EYA2: variants seen among roughly 807,000 people sequenced by gnomAD.
EYA2 encodes protein phosphatase EYA2.
In EYA2, 31 loss-of-function variants were observed where a neutral mutation model predicts 69.2. The ratio of observed to expected loss-of-function variants is 0.45; its 90% confidence interval spans 0.34 to 0.60. The LOEUF is 0.60. Ranked by LOEUF, EYA2 falls within the 20% of genes least tolerant of loss-of-function variation. The pLI is 0.02. For synonymous variants in EYA2, 257 were observed against 279.4 expected (o/e 0.92, Z 0.80); for missense variants, 622 against 701.2 (o/e 0.89, Z 1.28).
At chr20:47,086,609 G>A (rs2031901782) in intron 7 of EYA2, among the ~76,000 whole-genome samples, 1 of 152,112 alleles carries the variant, frequency 6.6e-6, no homozygotes, top group African/African-American at 2.4e-5. Context: ...GGTACCCGGG[G>A]AGGGGAGATG....
intron 9 of EYA2, among the ~76,000 whole-genome samples, chr20:47,129,495 C>T (rs541574261): frequency 1.3e-5 from 2 of 152,278 alleles, no homozygotes; most frequent in South Asian, 4.1e-4. Flanking sequence ...GCAAGTTTGG[C>T]AGATTCAAGG....
At chr20:47,181,588 A>G (rs2034539102) in intron 14 of EYA2, among the ~76,000 whole-genome samples, 1 of 152,190 alleles carries the variant, frequency 6.6e-6, no homozygotes, top group African/African-American at 2.4e-5. Flanking sequence ...AGCTCACTAC[A>G]GCCTCAAACT....
At chr20:46,988,658 T>C (rs1981451619) in intron 1 of EYA2, among the ~76,000 whole-genome samples, 1 of 152,204 alleles carries the variant, frequency 6.6e-6, no homozygotes, top group Non-Finnish European at 1.5e-5. Flanking sequence ...CAGTGGTGTG[T>C]GCGTTAACCA....
At chr20:47,045,134 C>T (rs767387582) in intron 5 of EYA2, among the ~76,000 whole-genome samples, 2 of 152,154 alleles carry the variant, frequency 1.3e-5, no homozygotes, top group African/African-American at 2.4e-5. Flanking sequence ...ATTGGCTGGG[C>T]TCAGCTAGGT....
intron 1 of EYA2, chr20:46,979,475 T>C (rs1489805004): frequency 6.6e-6 from 1 of 152,226 alleles, no homozygotes; most frequent in Non-Finnish European, 1.5e-5. Flanking sequence ...AAGAATTTTT[T>C]TTTTTTGTAA....
rs1311406670 is a variant in EYA2 at position 46,987,983 on chromosome 20, TATATATATATATATGG to T, written c.-10-2017_-10-2002del. Among the ~76,000 whole-genome samples, 40 of 76,452 alleles carry T rather than the reference TATATATATATATATGG, an allele frequency of 5.2e-4. 1 individual carries two copies. The highest frequency in any genetic ancestry group is 1.9e-3 in the African/African-American group (29 of 15,378). 50.2% of individuals were successfully genotyped at this position (76,452 alleles called of 152,430 possible). On this transcript the variant is annotated intron_variant, in intron 1 of 15. Coordinates refer to ENST00000327619, the MANE Select transcript of EYA2 (RefSeq NM_005244.5). ...CTCTCTCTATATATATATATATATA[TATATATATATATATGG>T]GGCAAAAAAAAAATACAGAATAAAA...
chr20:47,154,819 T>TTTTG (rs1555832407), intron 10 of EYA2, among the ~76,000 whole-genome samples: 2 of 140,796 alleles, frequency 1.4e-5, no homozygotes, highest in Admixed American at 7.2e-5. Flanking sequence ...TTATTTTGTT[T>TTTTG]TGTGTGTGTG....
chr20:47,023,403 G>A (rs886583077), intron 5 of EYA2, among the ~76,000 whole-genome samples: 47 of 151,932 alleles, frequency 3.1e-4, no homozygotes, highest in African/African-American at 8.2e-4. Flanking sequence ...TATGATTCTC[G>A]TGCTCTGTGT....
At chr20:47,041,246 A>G (rs1362454488) in intron 5 of EYA2, among the ~76,000 whole-genome samples, 1 of 152,190 alleles carries the variant, frequency 6.6e-6, no homozygotes, top group East Asian at 1.9e-4. Flanking sequence ...TGGCAACTCC[A>G]ACCTGCCAGA....
At chr20:47,187,914 A>G (rs3818010) in intron 15 of EYA2, 139 bp from the exon 16 acceptor site, 405,678 of 809,720 alleles carry the variant, frequency 0.5, 105,289 homozygotes, top group African/African-American at 0.81. Context: ...TGCCAGCAAC[A>G]TCAAGTGCCC....
At chr20:47,115,495 C>CA (rs2032864108) in intron 9 of EYA2, among the ~76,000 whole-genome samples, 1 of 152,174 alleles carries the variant, frequency 6.6e-6, no homozygotes, top group South Asian at 2.1e-4. Flanking sequence ...GAGGGTCCCC[C>CA]AGAGTAAGTC....
At chr20:47,018,400 C>T (rs111893253) in intron 5 of EYA2, among the ~76,000 whole-genome samples, 136 of 152,320 alleles carry the variant, frequency 8.9e-4, no homozygotes, top group Non-Finnish European at 1.5e-3. Flanking sequence ...ACAATCTCCT[C>T]ATGGAGAAAG....
At chr20:47,106,949 G>A (rs2032600200) in intron 9 of EYA2, among the ~76,000 whole-genome samples, 1 of 152,144 alleles carries the variant, frequency 6.6e-6, no homozygotes, top group Non-Finnish European at 1.5e-5. Context: ...GCGAACTGGA[G>A]TAGAAGGGAG....
chr20:47,113,143 G>C, intron 9 of EYA2, among the ~76,000 whole-genome samples: 1 of 152,064 alleles, frequency 6.6e-6, no homozygotes, highest in Non-Finnish European at 1.5e-5. Context: ...CAAGTGCTGG[G>C]ATTACAGGTG....
At chr20:47,084,139 G>A (rs553431762) in intron 7 of EYA2, among the ~76,000 whole-genome samples, 2 of 152,122 alleles carry the variant, frequency 1.3e-5, no homozygotes, top group African/African-American at 4.8e-5. Flanking sequence ...CCAGCTACTC[G>A]GGAGGCTGAG....
At chr20:47,134,589 C>G (rs2033416437) in intron 9 of EYA2, among the ~76,000 whole-genome samples, 1 of 151,816 alleles carries the variant, frequency 6.6e-6, no homozygotes, top group Non-Finnish European at 1.5e-5. Flanking sequence ...CACACACACA[C>G]AAACACACAC....
intron 8 of EYA2, among the ~76,000 whole-genome samples, chr20:47,094,458 C>T (rs2032186652): frequency 6.6e-6 from 1 of 152,210 alleles, no homozygotes; most frequent in Admixed American, 6.5e-5. Context: ...TAATACTTAG[C>T]CTTACTAATT....
chr20:47,073,923 C>G (rs1412329424), intron 6 of EYA2, among the ~76,000 whole-genome samples: 6 of 152,096 alleles, frequency 3.9e-5, no homozygotes, highest in Non-Finnish European at 7.4e-5. Flanking sequence ...AGGCTGCTCT[C>G]CCGCATCTCT....
intron 5 of EYA2, among the ~76,000 whole-genome samples, chr20:47,060,920 A>G (rs965653688): frequency 1.5e-5 from 2 of 134,618 alleles, no homozygotes; most frequent in Non-Finnish European, 3.0e-5. Flanking sequence ...CAATGGTGTG[A>G]TCTTGGCTCA....
Sources: gnomAD v4.1 joint callset for allele counts (sites outside exome capture counted in the v4.1 genomes callset) on GRCh38, gnomAD v4.1.1 for gene constraint, MANE v1.5 for transcripts, NCBI Gene and HGNC (gene_info 2026-07-23, HGNC 2026-07-21) for gene names.